SHARPIN: variants seen among roughly 807,000 people sequenced by gnomAD.
SHARPIN encodes the protein hSIPL1.
A neutral mutation model predicts 40.3 loss-of-function variants in SHARPIN; 25 were observed. The ratio of observed to expected loss-of-function variants is 0.62; its 90% CI spans 0.45 to 0.87. The LOEUF is 0.87. Among genes scored for constraint, SHARPIN ranks in the 40% least tolerant of loss-of-function variants. The probability of loss-of-function intolerance (pLI) is 0.00; values close to 1 mark genes in which losing one functional copy is unlikely to be tolerated. For synonymous variants in SHARPIN, 274 were observed against 221.8 expected (o/e 1.24, Z -2.09); for missense variants, 551 against 516.1 (o/e 1.07, Z -0.66).
At chr8:144,102,788 C>T (rs1836314136) in intron 2 of SHARPIN, 1 of 591,510 alleles carries the variant, frequency 1.7e-6, no homozygotes, top group Non-Finnish European at 3.0e-6. Flanking sequence ...CTCATCCTTC[C>T]TGAGGGTTAA....
Position 144,103,664 on chromosome 8 carries a change from C to A in SHARPIN, c.90G>T (p.Pro30=). The change falls in exon 1 of 9, where the codon CCG becomes CCT. Residue 30 remains proline, a synonymous_variant. Coordinates refer to ENST00000398712, the MANE Select transcript of SHARPIN (RefSeq NM_030974.4). ...CCTCGGCGTCTGGCCCGGCGCCCAG[C>A]GGCCTCACCGCGGCGTGCACAGCCA... is the stretch of plus-strand genomic sequence containing the variant. ...VLLAVHAAVR[P]LGAGPDAEAQ... is the part of the protein sequence containing the mutation. 1.3e-6 allele frequency: 2 copies of A among 1,521,394 alleles called. No individual in the cohort carries two copies. The highest frequency in any genetic ancestry group is 1.4e-5 in the African/African-American group (1 of 70,548). 94.2% of individuals were successfully genotyped at this position (1,521,394 alleles called of 1,614,324 possible).
intron 3 of SHARPIN, 24 bp from the exon 4 acceptor site, chr8:144,099,868 T>G (rs755007938): frequency 8.1e-6 from 13 of 1,611,810 alleles, no homozygotes; most frequent in Non-Finnish European, 9.3e-6. Flanking sequence ...AAAGGACAGC[T>G]GTCACCACTG....
intron 1 of SHARPIN, 56 bp from the exon 2 acceptor site, chr8:144,103,281 G>A (rs963644058): frequency 2.3e-5 from 35 of 1,530,098 alleles, no homozygotes; most frequent in South Asian, 2.1e-4. Flanking sequence ...ATCGCACGAG[G>A]AGCAAAGAAA....
chr8:144,099,032 T>C, intron 7 of SHARPIN, 38 bp from the exon 8 acceptor site: 2 of 1,594,112 alleles, frequency 1.3e-6, no homozygotes, highest in South Asian at 1.1e-5. Flanking sequence ...CCCTGCTCTT[T>C]CCAATGCCCA....
rs772117369 is a variant in SHARPIN, at chr8:144,103,126, G to A, written c.301C>T (p.Leu101=). The A allele has an allele frequency of 1.2e-6, 2 of 1,613,568 alleles. No homozygotes were observed. Among genetic ancestry groups the A allele is most frequent in the Non-Finnish European group, 1.7e-6 (2 of 1,179,988 alleles). ...GCTTCCTGAGGGTTGAGGAAGTGCA[G>A]GCTGAGGGTTCCAGGCCCTCCTGGT... ...PPPGGPGTLS[L]HFLNPQEAQR... The change falls in exon 2 of 9, where the codon CTG becomes TTG. Residue 101 remains leucine (L), a synonymous_variant. Transcript: ENST00000398712.
chr8:144,098,753 G>A lies in SHARPIN; in HGVS notation c.*48C>T, dbSNP rs545674096. ...AGTTCAGTGGGGGCCTGGAGATGTC[G>A]GACTTGTGAGGGAAGGGCCACTCTC... On this transcript the variant is annotated 3_prime_UTR_variant, in exon 9 of 9. Transcript: ENST00000398712. The A allele has an allele frequency of 1.9e-5, 13 of 687,534 alleles. No homozygotes were observed. Among genetic ancestry groups the A allele is most frequent in the African/African-American group, 3.8e-5 (2 of 53,252 alleles). 42.6% of individuals were successfully genotyped at this position (687,534 alleles called of 1,614,324 possible).
At position 144,103,568 on chromosome 8, in the gene SHARPIN, G is replaced by C. The variant is rs1284550148; in HGVS notation, c.186C>G (p.Gly62=). The change falls in exon 1 of 9, where the codon GGC becomes GGG. Residue 62 remains glycine, a synonymous_variant. Coordinates refer to ENST00000398712, the MANE Select transcript of SHARPIN (RefSeq NM_030974.4). ...RPGRFRLELL[G]AGPGAVNLEW... is the part of the protein sequence containing the mutation. ...CCCCACTCACCGCCCCAGGTCCCGC[G>C]CCCAGCAGCTCCAGCCGGAAGCGCC... 6.5e-7 allele frequency: 1 copy of C among 1,531,076 alleles called. No homozygotes were observed. Among genetic ancestry groups the C allele is most frequent in the Non-Finnish European group, 8.7e-7 (1 of 1,145,132 alleles). 94.8% of individuals were successfully genotyped at this position (1,531,076 alleles called of 1,614,324 possible).
chr8:144,101,727 T>G (rs561297740), intron 2 of SHARPIN, among the ~76,000 whole-genome samples: 16 of 152,038 alleles, frequency 1.1e-4, no homozygotes, highest in African/African-American at 3.9e-4. Context: ...ACTCAGCTAA[T>G]TTTTAAATTT....
Position 144,103,694 on chromosome 8 carries a change from C to T in SHARPIN, c.60G>A (p.Val20=). 1 of 1,491,338 alleles carries T rather than the reference C, an allele frequency of 6.7e-7. No homozygotes were observed. Among genetic ancestry groups the T allele is most frequent in the Non-Finnish European group, 8.9e-7 (1 of 1,127,910 alleles). 92.4% of individuals were successfully genotyped at this position (1,491,338 alleles called of 1,614,324 possible). A position where few individuals can be genotyped will look rare whatever the true frequency, so the allele number is the denominator to read the frequency against. The change falls in exon 1 of 9, where the codon GTG becomes GTA. Residue 20 remains valine (V), a synonymous_variant. Transcript: ENST00000398712. ...AAASDLGSAA[V]LLAVHAAVRP... is the part of the protein sequence containing the mutation. Reference sequence around the variant, plus strand: ...TCACCGCGGCGTGCACAGCCAAGAGCACTGCGGCGGAGCCCAAGTCCGAGG... The same window carrying T: ...TCACCGCGGCGTGCACAGCCAAGAGTACTGCGGCGGAGCCCAAGTCCGAGG...
rs572016810 is a variant in SHARPIN at position 144,101,477 on chromosome 8, C to T, written c.377-1408G>A. 1.8e-3 allele frequency among the ~76,000 whole-genome samples: 254 copies of T among 144,520 alleles called. 3 individuals carry two copies. The highest frequency in any genetic ancestry group is 6.2e-3 in the African/African-American group (242 of 38,930). 94.8% of individuals were successfully genotyped at this position (144,520 alleles called of 152,430 possible). The stretch of plus-strand genomic sequence containing the variant: ...AGGCTGGAGTGCAGTGGTGCAATCT[C>T]GGCTCACTGCAAGCTCCACCTCCTG... On this transcript the variant is annotated intron_variant, in intron 2 of 8. Transcript: ENST00000398712.
In SHARPIN at chr8:144,103,087, C is replaced by A. The variant is rs1459639778; in HGVS notation, c.340G>T (p.Val114Phe). The A allele has an allele frequency of 1.2e-6, 2 of 1,611,582 alleles. No individual in the cohort carries two copies. Among genetic ancestry groups the A allele is most frequent in the Admixed American group, 3.3e-5 (2 of 59,780 alleles). Residue 114 changes from valine to phenylalanine, a missense_variant, in exon 2 of 9, where the codon GTC (valine) becomes TTC (phenylalanine). By Grantham distance (50) the Val-to-Phe change is conservative. Transcript: ENST00000398712. Reference protein sequence around the residue: ...LNPQEAQRWAVLVRGATVEGQ... With the variant: ...LNPQEAQRWAFLVRGATVEGQ... The stretch of plus-strand genomic sequence containing the variant: ...TCCACGGTGGCACCTCGGACTAGGA[C>A]TGCCCACCGCTGAGCTTCCTGAGGG...
At chr8:144,101,534 G>C (rs139962028) in intron 2 of SHARPIN, among the ~76,000 whole-genome samples, 7 of 146,298 alleles carry the variant, frequency 4.8e-5, no homozygotes, top group African/African-American at 1.5e-4. Flanking sequence ...TCAGCCTCCC[G>C]AGTAGCTGGG....
chr8:144,103,221 TTAACCTGAGAAGAG>T lies in SHARPIN; in HGVS notation c.202-10_205del. 6.2e-7 allele frequency: 1 copy of T among 1,604,766 alleles called. No homozygotes were observed. Among genetic ancestry groups the T allele is most frequent in the Non-Finnish European group, 8.5e-7 (1 of 1,175,340 alleles). On this transcript the variant is annotated splice_acceptor_variant and splice_polypyrimidine_tract_variant and coding_sequence_variant and intron_variant, in exon 2 of 9. Transcript: ENST00000398712. LOFTEE classifies it high-confidence loss of function. The stretch of plus-strand genomic sequence containing the variant: ...AACTGACTCCAGGGGCCACTCCAAA[TTAACCTGAGAAGAG>T]GGAGAGTCCAGGCTCAGGGCGTCCC...
At position 144,103,566 on chromosome 8, in the gene SHARPIN, G is replaced by A. The variant is rs555189362; in HGVS notation, c.188C>T (p.Ala63Val). The change falls in exon 1 of 9, where the codon GCG (alanine) becomes GTG (valine). Residue 63 changes from alanine to valine, a missense_variant. Ala to Val is a moderately conservative substitution (Grantham distance 64, BLOSUM62 0). Coordinates refer to ENST00000398712, the MANE Select transcript of SHARPIN (RefSeq NM_030974.4). ...GCCCCCACTCACCGCCCCAGGTCCC[G>A]CGCCCAGCAGCTCCAGCCGGAAGCG... ...PGRFRLELLG[A>V]GPGAVNLEWP... The A allele has an allele frequency of 9.7e-5, 148 of 1,531,096 alleles. 1 individual carries two copies. In the East Asian group the frequency reaches 3.4e-3, roughly 35 times the overall value. The allele number at this position is 1,531,096 out of a possible 1,614,324, so 94.8% of individuals were successfully genotyped here. A position where few individuals can be genotyped will look rare whatever the true frequency, so the allele number is the denominator to read the frequency against.
intron 2 of SHARPIN, chr8:144,102,625 C>A: frequency 4.2e-6 from 1 of 235,462 alleles, no homozygotes; most frequent in Non-Finnish European, 8.5e-6. Flanking sequence ...CCAACCCTAT[C>A]TGCACCAACC....
At chr8:144,103,521 G>C in intron 1 of SHARPIN, 32 bp downstream of exon 1, 2 of 1,528,838 alleles carry the variant, frequency 1.3e-6, no homozygotes, top group Non-Finnish European at 1.7e-6. Context: ...CGGGCCAAGA[G>C]GACTGACCGC....
chr8:144,101,539 GCTGGGACTATAGGTCCCCA>G (rs1836287064), intron 2 of SHARPIN, among the ~76,000 whole-genome samples: 1 of 148,330 alleles, frequency 6.7e-6, no homozygotes, highest in Admixed American at 6.8e-5. Context: ...CTCCCGAGTA[GCTGGGACTATAGGTCCCCA>G]CCACCACACC....
rs1399685582 is a variant in SHARPIN at position 144,099,560 on chromosome 8, C to T, written c.718G>A (p.Val240Ile). The change falls in exon 5 of 9, where the codon GTT becomes ATT. Residue 240 changes from valine to isoleucine, a missense_variant. Val to Ile is a conservative substitution (Grantham distance 29). Transcript: ENST00000398712. Reference sequence around the variant, plus strand: ...CAGTGGGGGTGGACCTGCAGGGCAACGTGTGCAGAGGACGCGGCGGATGCG... The same window carrying T: ...CAGTGGGGGTGGACCTGCAGGGCAATGTGTGCAGAGGACGCGGCGGATGCG... ...SAASAASSAH[V>I]ALQVHPHCTV... 6 of 1,613,988 alleles carry T rather than the reference C, an allele frequency of 3.7e-6. No individual in the cohort carries two copies. Among genetic ancestry groups the T allele is most frequent in the East Asian group, 4.5e-5 (2 of 44,898 alleles).
Position 144,099,276 on chromosome 8 carries a change from C to T in SHARPIN, c.922+1G>A. On this transcript the variant is annotated splice_donor_variant, in intron 6 of 8. Transcript: ENST00000398712. LOFTEE classifies it high-confidence loss of function. ...ACACCCCACCCCCATCGAGGACTGA[C>T]CTGGGGCTTCTCGAGGAGCTGACAG... The T allele has an allele frequency of 6.2e-7, 1 of 1,614,096 alleles. No individual in the cohort carries two copies. Among genetic ancestry groups the T allele is most frequent in the Non-Finnish European group, 8.5e-7 (1 of 1,179,992 alleles).
Sources: allele counts gnomAD v4.1 joint callset (sites outside exome capture counted in the v4.1 genomes callset), GRCh38; gene constraint gnomAD v4.1.1; transcripts MANE v1.5; gene names NCBI Gene and HGNC (gene_info 2026-07-23, HGNC 2026-07-21).